FAT3: variants seen among roughly 807,000 people sequenced by gnomAD.
FAT3 encodes FAT atypical cadherin 3, also known as protocadherin Fat 3.
FAT3 carries 95 observed loss-of-function variants against 310.2 expected under a neutral mutation model. The observed-to-expected ratio is 0.31, with a 90% CI of 0.26 to 0.36. The LOEUF is 0.36. FAT3 is among the 10% of genes least tolerant of loss of function. The pLI is 1.00. For synonymous variants in FAT3, 2,314 were observed against 2,192.9 expected (o/e 1.06, Z -1.54); for missense variants, 5,408 against 5,715.6 (o/e 0.95, Z 1.74).
At chr11:92,611,795 T>TCTAAAAAGG (rs1239309188) in intron 3 of FAT3, among the ~76,000 whole-genome samples, 2 of 152,278 alleles carry the variant, frequency 1.3e-5, no homozygotes, top group East Asian at 3.9e-4. Flanking sequence ...CAGAAAATAT[T>TCTAAAAAGG]CTAAAAAGGC....
At chr11:92,681,849 G>A (rs1943489165) in intron 3 of FAT3, among the ~76,000 whole-genome samples, 1 of 152,256 alleles carries the variant, frequency 6.6e-6, no homozygotes, top group Admixed American at 6.5e-5. Flanking sequence ...GTGGGAGGGA[G>A]GAGGAGGGGG....
chr11:92,275,037 C>T (rs2226598), intron 1 of FAT3, among the ~76,000 whole-genome samples: 87,313 of 151,888 alleles, frequency 0.57, 25,281 homozygotes, highest in African/African-American at 0.58. Flanking sequence ...AGGTATTTAG[C>T]GCAACATGCA....
intron 3 of FAT3, among the ~76,000 whole-genome samples, chr11:92,527,318 T>C (rs1313924302): frequency 6.6e-6 from 1 of 152,072 alleles, no homozygotes; most frequent in East Asian, 1.9e-4. Flanking sequence ...TTTTAGTGAG[T>C]AAAAATAGTT....
At chr11:92,294,902 A>G (rs1946808941) in intron 1 of FAT3, among the ~76,000 whole-genome samples, 1 of 152,202 alleles carries the variant, frequency 6.6e-6, no homozygotes, top group East Asian at 1.9e-4. Context: ...CATCATTGAA[A>G]GATTTAGTAG....
rs554324178 is a variant in FAT3, at chr11:92,802,804, G to T, written c.8896+895G>T. 5.9e-5 allele frequency among the ~76,000 whole-genome samples: 9 copies of T among 152,278 alleles called. No homozygotes were observed. The South Asian group carries it at 1.5e-3, about 25-fold the overall frequency. ...CCGTTTAGAAAAACTACATCATTCA[G>T]AGTGAAAAATGAATTAATTAGACTG... On this transcript the variant is annotated intron_variant, in intron 10 of 27. Transcript: ENST00000525166.
At chr11:92,795,091 C>T (rs188741138) in intron 9 of FAT3, among the ~76,000 whole-genome samples, 1 of 152,060 alleles carries the variant, frequency 6.6e-6, no homozygotes, top group Non-Finnish European at 1.5e-5. Context: ...TTATTTTGGC[C>T]TGAAGGACTG....
chr11:92,488,832 G>C (rs1952511750), intron 2 of FAT3, among the ~76,000 whole-genome samples: 1 of 152,104 alleles, frequency 6.6e-6, no homozygotes. Flanking sequence ...GCCTGGGTTT[G>C]AATTTCAGCT....
intron 4 of FAT3, among the ~76,000 whole-genome samples, chr11:92,726,807 T>G (rs1376147498): frequency 6.6e-6 from 1 of 151,404 alleles, no homozygotes; most frequent in Non-Finnish European, 1.5e-5. Context: ...GTCAACTCAG[T>G]AGCAGTGGGC....
At chr11:92,571,983 G>A (rs1021764746) in intron 3 of FAT3, among the ~76,000 whole-genome samples, 2 of 152,204 alleles carry the variant, frequency 1.3e-5, no homozygotes, top group Admixed American at 6.5e-5. Flanking sequence ...AGAGCTTGAA[G>A]CCTCACCCTT....
chr11:92,301,424 C>T (rs1946994627), intron 1 of FAT3, among the ~76,000 whole-genome samples: 1 of 152,112 alleles, frequency 6.6e-6, no homozygotes. Context: ...TCTCTCCCTT[C>T]CTCTGTAGGA....
At chr11:92,763,886 A>G in intron 5 of FAT3, among the ~76,000 whole-genome samples, 1 of 152,112 alleles carries the variant, frequency 6.6e-6, no homozygotes, top group East Asian at 1.9e-4. Context: ...CTCACCCCGC[A>G]GGGAGTTTCT....
intron 2 of FAT3, among the ~76,000 whole-genome samples, chr11:92,457,795 A>G (rs1320118642): frequency 1.3e-5 from 2 of 152,014 alleles, no homozygotes; most frequent in Non-Finnish European, 2.9e-5. Flanking sequence ...GGTGGCGTGC[A>G]CCTGTAGTCC....
chr11:92,442,109 A>ATT (rs1258493776), intron 2 of FAT3, among the ~76,000 whole-genome samples: 23 of 50,088 alleles, frequency 4.6e-4, no homozygotes, highest in East Asian at 7.0e-4. Context: ...ATATATATAT[A>ATT]TATTTTTTTT....
chr11:92,705,661 G>GT, intron 4 of FAT3, among the ~76,000 whole-genome samples: 1 of 68,554 alleles, frequency 1.5e-5, no homozygotes, highest in Non-Finnish European at 2.9e-5. Context: ...TGTGATGGTG[G>GT]TGTGATGGTG....
intron 3 of FAT3, among the ~76,000 whole-genome samples, chr11:92,654,739 C>G (rs1942518285): frequency 6.6e-6 from 1 of 152,190 alleles, no homozygotes; most frequent in African/African-American, 2.4e-5. Flanking sequence ...CACAACAGGT[C>G]CGTCTGCTTT....
Position 92,761,957 on chromosome 11 carries a change from G to T in FAT3, c.3771G>T (p.Lys1257Asn), listed in dbSNP as rs2136084365. 1 of 1,613,948 alleles carries T rather than the reference G, an allele frequency of 6.2e-7. No homozygotes were observed. Among genetic ancestry groups the T allele is most frequent in the Non-Finnish European group, 8.5e-7 (1 of 1,179,868 alleles). Reference protein sequence around the residue: ...ENDNKPQFPEKVYQIKLPERD... With the variant: ...ENDNKPQFPENVYQIKLPERD... ...ACAACAAGCCCCAGTTCCCAGAGAA[G>T]GTCTACCAGATCAAGCTGCCAGAAC... The change falls in exon 5 of 28, where the codon AAG becomes AAT. Residue 1257 changes from lysine to asparagine, a missense_variant. Transcript: ENST00000525166.
intron 2 of FAT3, among the ~76,000 whole-genome samples, chr11:92,512,367 T>C (rs1953321726): frequency 6.6e-6 from 1 of 151,500 alleles, no homozygotes; most frequent in Admixed American, 6.6e-5. Context: ...GGTGGCTTTA[T>C]AGACAGAAAA....
intron 4 of FAT3, among the ~76,000 whole-genome samples, chr11:92,740,874 C>T (rs979732123): frequency 4.6e-5 from 7 of 152,088 alleles, no homozygotes; most frequent in African/African-American, 1.4e-4. Context: ...TGATTGGTTT[C>T]ATTTTCTGGA....
intron 3 of FAT3, among the ~76,000 whole-genome samples, chr11:92,658,471 C>G (rs1023286454): frequency 7.2e-5 from 11 of 152,214 alleles, no homozygotes; most frequent in African/African-American, 2.6e-4. Flanking sequence ...GGCAGGGTCT[C>G]AATCAGAAAC....
Sources: allele counts gnomAD v4.1 joint callset (sites outside exome capture counted in the v4.1 genomes callset), GRCh38; gene constraint gnomAD v4.1.1; transcripts MANE v1.5; gene names NCBI Gene and HGNC (gene_info 2026-07-23, HGNC 2026-07-21).